NAALADL2: variants seen among roughly 807,000 people sequenced by gnomAD.
The protein encoded by NAALADL2 is N-acetylated alpha-linked acidic dipeptidase like 2.
NAALADL2 carries 76 observed loss-of-function variants against 87.2 expected under a neutral mutation model. The observed-to-expected ratio is 0.87, with a 90% CI of 0.72 to 1.05. The LOEUF (loss-of-function observed/expected upper bound fraction) is 1.05. NAALADL2 is among the 50% of genes least tolerant of loss of function. NAALADL2 has a pLI of 0.00. For synonymous variants in NAALADL2, 354 were observed against 331.0 expected (o/e 1.07, Z -0.75); for missense variants, 1,089 against 945.8 (o/e 1.15, Z -1.99).
chr3:175,444,597 G>C (rs1465240010), intron 5 of NAALADL2, among the ~76,000 whole-genome samples: 1 of 152,118 alleles, frequency 6.6e-6, no homozygotes, highest in African/African-American at 2.4e-5. Context: ...CCCCACACTT[G>C]ATTTAATGCT....
At chr3:175,135,356 C>A (rs182351088) in intron 2 of NAALADL2, among the ~76,000 whole-genome samples, 3 of 152,040 alleles carry the variant, frequency 2.0e-5, no homozygotes, top group South Asian at 2.1e-4. Flanking sequence ...TTTCTTCATA[C>A]GGTAATAAAA....
At chr3:175,065,534 G>A (rs1177481919) in intron 1 of NAALADL2, among the ~76,000 whole-genome samples, 1 of 152,160 alleles carries the variant, frequency 6.6e-6, no homozygotes, top group African/African-American at 2.4e-5. Context: ...TTTAAATGGA[G>A]GATGTCCTAC....
At chr3:175,767,695 G>A (rs1488167294) in intron 13 of NAALADL2, 1 of 152,056 alleles carries the variant, frequency 6.6e-6, no homozygotes, top group Non-Finnish European at 1.5e-5. Flanking sequence ...TAAAGTCAAG[G>A]AAGCTTGAAG....
At chr3:174,947,258 GT>G (rs1006498743) in intron 1 of NAALADL2, among the ~76,000 whole-genome samples, 1 of 152,004 alleles carries the variant, frequency 6.6e-6, no homozygotes, top group Non-Finnish European at 1.5e-5. Flanking sequence ...ACATGAGTGG[GT>G]TTTTTTGTTT....
intron 5 of NAALADL2, among the ~76,000 whole-genome samples, chr3:175,418,985 G>T (rs1240785243): frequency 6.6e-6 from 1 of 151,752 alleles, no homozygotes; most frequent in Non-Finnish European, 1.5e-5. Flanking sequence ...CCTGTTGAGT[G>T]ATCATCACTT....
At chr3:175,571,117 C>CT (rs1297828277) in intron 9 of NAALADL2, among the ~76,000 whole-genome samples, 5 of 152,134 alleles carry the variant, frequency 3.3e-5, no homozygotes, top group African/African-American at 4.8e-5. Context: ...CTTGGCATCA[C>CT]TATTTAACTA....
intron 1 of NAALADL2, among the ~76,000 whole-genome samples, chr3:175,054,110 T>G (rs1711590102): frequency 6.6e-6 from 1 of 152,216 alleles, no homozygotes; most frequent in African/African-American, 2.4e-5. Context: ...GAATCAGAAC[T>G]CACATTCATA....
At chr3:175,323,001 A>T (rs1261257962) in intron 4 of NAALADL2, among the ~76,000 whole-genome samples, 1 of 151,848 alleles carries the variant, frequency 6.6e-6, no homozygotes, top group East Asian at 2.0e-4. Flanking sequence ...TATACCCAAA[A>T]GACTATAAAT....
At chr3:175,021,114 C>T (rs926557188) in intron 1 of NAALADL2, among the ~76,000 whole-genome samples, 1 of 151,822 alleles carries the variant, frequency 6.6e-6, no homozygotes, top group Non-Finnish European at 1.5e-5. Context: ...GTCAGAATTC[C>T]CTGAAAGTGA....
intron 1 of NAALADL2, among the ~76,000 whole-genome samples, chr3:174,974,048 T>C (rs1161360231): frequency 6.6e-6 from 1 of 152,224 alleles, no homozygotes; most frequent in African/African-American, 2.4e-5. Flanking sequence ...ATTGAAACTT[T>C]GTAAGTATTA....
intron 5 of NAALADL2, among the ~76,000 whole-genome samples, chr3:175,377,381 T>A (rs528839527): frequency 4.2e-4 from 64 of 152,298 alleles, no homozygotes; most frequent in African/African-American, 1.3e-3. Context: ...TCTCTGATAT[T>A]ATCAGTTTTT....
In NAALADL2 at chr3:174,688,859, A is replaced by G. The variant is rs1168521268; in HGVS notation, c.-114-48782A>G. Among the ~76,000 whole-genome samples the G allele has an allele frequency of 2.0e-5, 3 of 152,136 alleles. No homozygotes were observed. In the East Asian group the frequency reaches 5.8e-4, roughly 29 times the overall value. ...AGTATGTTTTTGTTCTTAAACTATA[A>G]ATGGTTACTAGAGATGGTATTTTGT... On this transcript the variant is annotated intron_variant, in intron 2 of 3. Transcript: ENST00000434257.
chr3:174,973,829 T>C, intron 1 of NAALADL2, among the ~76,000 whole-genome samples: 1 of 152,194 alleles, frequency 6.6e-6, no homozygotes, highest in East Asian at 1.9e-4. Context: ...AAAAATAGGA[T>C]ATTACAATTT....
At chr3:174,920,040 C>A (rs892662236) in intron 1 of NAALADL2, among the ~76,000 whole-genome samples, 5 of 152,142 alleles carry the variant, frequency 3.3e-5, no homozygotes, top group African/African-American at 9.7e-5. Flanking sequence ...ATGCTATAAA[C>A]ATGTATGCTA....
chr3:175,221,862 C>T (rs1020337490), intron 2 of NAALADL2, among the ~76,000 whole-genome samples: 10 of 151,864 alleles, frequency 6.6e-5, no homozygotes, highest in African/African-American at 9.7e-5. Flanking sequence ...GCAACTTCCA[C>T]CTCCCAGGTT....
intron 11 of NAALADL2, among the ~76,000 whole-genome samples, chr3:175,725,091 A>G (rs13098838): frequency 6.6e-6 from 1 of 152,088 alleles, no homozygotes; most frequent in Non-Finnish European, 1.5e-5. Flanking sequence ...TTTCACATGT[A>G]CAGATACTCA....
chr3:175,284,031 T>C (rs574514099), intron 4 of NAALADL2, among the ~76,000 whole-genome samples: 79 of 152,204 alleles, frequency 5.2e-4, no homozygotes, highest in African/African-American at 1.9e-3. Context: ...GGTCCCATTA[T>C]CAAAAAACTC....
chr3:175,354,764 C>T, intron 5 of NAALADL2, among the ~76,000 whole-genome samples: 1 of 151,874 alleles, frequency 6.6e-6, no homozygotes, highest in East Asian at 1.9e-4. Context: ...AGTGATCCTC[C>T]TGCCTCAGCC....
intron 2 of NAALADL2, among the ~76,000 whole-genome samples, chr3:174,609,501 G>T (rs1390151072): frequency 6.6e-6 from 1 of 152,006 alleles, no homozygotes; most frequent in Non-Finnish European, 1.5e-5. Flanking sequence ...AAAATCACAA[G>T]CATTCTTATA....
Sources: gnomAD v4.1 joint callset for allele counts (sites outside exome capture counted in the v4.1 genomes callset) on GRCh38, gnomAD v4.1.1 for gene constraint, MANE v1.5 for transcripts, NCBI Gene and HGNC (gene_info 2026-07-23, HGNC 2026-07-21) for gene names.